Variants in VWC2 observed in about 807,000 individuals in gnomAD.
VWC2 encodes the protein von Willebrand factor C domain containing 2, also known as brorin.
VWC2 carries 14 observed loss-of-function variants against 29.8 expected under a neutral mutation model. The ratio of observed to expected loss-of-function variants is 0.47; its 90% confidence interval spans 0.31 to 0.74. VWC2 has a LOEUF of 0.74. Among genes scored for constraint, VWC2 ranks in the 30% least tolerant of loss-of-function variants. The probability of loss-of-function intolerance (pLI) is 0.05; values close to 1 mark genes in which losing one functional copy is unlikely to be tolerated. For missense variants in VWC2, 457 were observed against 459.8 expected, an observed-to-expected ratio of 0.99 and a Z score of 0.05; for synonymous variants, 213 against 199.0, an observed-to-expected ratio of 1.07 and a Z score of -0.59.
intron 3 of VWC2, among the ~76,000 whole-genome samples, chr7:49,892,556 C>T (rs1583769654): frequency 6.6e-6 from 1 of 152,184 alleles, no homozygotes; most frequent in Non-Finnish European, 1.5e-5. Context: ...CATGAGGGGG[C>T]TTCCCAGGCC....
At position 49,775,676 on chromosome 7, in the gene VWC2, G is replaced by C; in HGVS notation, c.241G>C (p.Gly81Arg). 6.6e-7 allele frequency: 1 copy of C among 1,524,512 alleles called. No homozygotes were observed. Among genetic ancestry groups the C allele is most frequent in the Non-Finnish European group, 8.8e-7 (1 of 1,139,226 alleles). The allele number at this position is 1,524,512 out of a possible 1,614,324, so 94.4% of individuals were successfully genotyped here. Residue 81 changes from glycine to arginine, a missense_variant, in exon 2 of 4, where the codon GGC becomes CGC. Physicochemically the swap from Gly to Arg is moderately radical, Grantham distance 125. Around this residue, in one of 2 missense-constraint regions of VWC2, gnomAD observed 272 missense variants for 202.7 expected, o/e 1.34. Coordinates refer to ENST00000340652, the MANE Select transcript of VWC2 (RefSeq NM_198570.5). ...CGGCCGGGACTGGAAGAGCAAGAGC[G>C]GCCGTGGGCTCGCCGGCCGTGAGCC... ...GSGRDWKSKS[G>R]RGLAGREPWS... is the part of the protein sequence containing the mutation.
At chr7:49,884,588 C>T (rs547927227) in intron 3 of VWC2, among the ~76,000 whole-genome samples, 2 of 152,198 alleles carry the variant, frequency 1.3e-5, no homozygotes, top group South Asian at 4.1e-4. Flanking sequence ...AGTTTTAAGA[C>T]AGTGGGTCAA....
chr7:49,879,103 G>C (rs987548221), intron 3 of VWC2, among the ~76,000 whole-genome samples: 1 of 152,164 alleles, frequency 6.6e-6, no homozygotes, highest in Non-Finnish European at 1.5e-5. Flanking sequence ...AAAGGTCTCT[G>C]CTTTTTCTTA....
intron 3 of VWC2, among the ~76,000 whole-genome samples, chr7:49,885,896 A>C (rs1791883416): frequency 6.6e-6 from 1 of 152,216 alleles, no homozygotes; most frequent in Non-Finnish European, 1.5e-5. Context: ...ATGGCAGAGG[A>C]GGAGAGGAAT....
intron 3 of VWC2, among the ~76,000 whole-genome samples, chr7:49,826,230 G>A (rs149926576): frequency 0.023 from 3,576 of 152,180 alleles, 345 homozygotes; most frequent in Admixed American, 0.17. Flanking sequence ...GTTTTTCAGT[G>A]ACGCCATCAC....
intron 3 of VWC2, among the ~76,000 whole-genome samples, chr7:49,824,821 A>G (rs1433344722): frequency 6.6e-6 from 1 of 152,098 alleles, no homozygotes; most frequent in African/African-American, 2.4e-5. Context: ...TTCAATTTCC[A>G]GTTGTTTGTT....
At chr7:49,786,148 T>G (rs1326994495) in intron 2 of VWC2, among the ~76,000 whole-genome samples, 1 of 152,184 alleles carries the variant, frequency 6.6e-6, no homozygotes, top group Non-Finnish European at 1.5e-5. Context: ...CTCGCCCCTC[T>G]CATAGTCTCC....
chr7:49,884,757 A>G (rs141118358), intron 3 of VWC2, among the ~76,000 whole-genome samples: 188 of 152,244 alleles, frequency 1.2e-3, no homozygotes, highest in African/African-American at 4.2e-3. Flanking sequence ...AAATATTTTC[A>G]CTCATAAACG....
intron 3 of VWC2, among the ~76,000 whole-genome samples, chr7:49,867,559 G>A (rs1313581167): frequency 6.6e-6 from 1 of 152,188 alleles, no homozygotes; most frequent in Non-Finnish European, 1.5e-5. Flanking sequence ...GACTGAACAG[G>A]TAACTAAAGG....
At chr7:49,829,612 C>T (rs1789481208) in intron 3 of VWC2, among the ~76,000 whole-genome samples, 1 of 152,220 alleles carries the variant, frequency 6.6e-6, no homozygotes, top group East Asian at 1.9e-4. Flanking sequence ...ACGCATCACG[C>T]CAGCCTACAC....
At chr7:49,853,309 C>T (rs549175695) in intron 3 of VWC2, among the ~76,000 whole-genome samples, 19 of 152,362 alleles carry the variant, frequency 1.2e-4, no homozygotes, top group African/African-American at 4.1e-4. Context: ...GCCCCCAGCA[C>T]TTGCCCATGG....
intron 3 of VWC2, among the ~76,000 whole-genome samples, chr7:49,838,552 G>A (rs1462603453): frequency 5.3e-5 from 8 of 151,930 alleles, no homozygotes; most frequent in Admixed American, 4.6e-4. Context: ...CCCAGGGCTA[G>A]CACAGGAGGG....
intron 3 of VWC2, among the ~76,000 whole-genome samples, chr7:49,837,801 C>T (rs150197490): frequency 1.7e-4 from 26 of 152,230 alleles, no homozygotes; most frequent in Non-Finnish European, 2.5e-4. Context: ...TCGCACAATC[C>T]ATGATGCTGA....
At chr7:49,826,798 T>C (rs1261484714) in intron 3 of VWC2, among the ~76,000 whole-genome samples, 2 of 152,180 alleles carry the variant, frequency 1.3e-5, no homozygotes, top group African/African-American at 4.8e-5. Context: ...GAAAATATTA[T>C]CACAAAAGAT....
chr7:49,784,028 A>T (rs752179372), intron 2 of VWC2, among the ~76,000 whole-genome samples: 19 of 152,224 alleles, frequency 1.2e-4, no homozygotes, highest in Non-Finnish European at 1.9e-4. Flanking sequence ...CTTTCCTGGG[A>T]ATATGGAGGA....
intron 2 of VWC2, among the ~76,000 whole-genome samples, chr7:49,786,034 C>A (rs1023031660): frequency 1.3e-5 from 2 of 152,190 alleles, no homozygotes; most frequent in East Asian, 3.9e-4. Flanking sequence ...TATTTGTTAC[C>A]TGGGTATATA....
intron 2 of VWC2, among the ~76,000 whole-genome samples, chr7:49,799,798 G>A (rs1383387596): frequency 6.6e-6 from 1 of 152,104 alleles, no homozygotes; most frequent in African/African-American, 2.4e-5. Context: ...TAGGTTATAT[G>A]GTATATCCTA....
At chr7:49,799,051 G>A (rs1449799321) in intron 2 of VWC2, among the ~76,000 whole-genome samples, 1 of 152,222 alleles carries the variant, frequency 6.6e-6, no homozygotes, top group African/African-American at 2.4e-5. Flanking sequence ...GCATGGCGGA[G>A]TGGGCTCAGG....
At chr7:49,874,869 C>T (rs964426814) in intron 3 of VWC2, among the ~76,000 whole-genome samples, 4 of 151,992 alleles carry the variant, frequency 2.6e-5, no homozygotes, top group African/African-American at 9.7e-5. Flanking sequence ...AGAGTATGGC[C>T]AGAACCTGCC....
Sources: allele counts gnomAD v4.1 joint callset (sites outside exome capture counted in the v4.1 genomes callset), GRCh38; gene constraint gnomAD v4.1.1; regional missense constraint gnomAD v4.1.1; transcripts MANE v1.5; gene names NCBI Gene and HGNC (gene_info 2026-07-23, HGNC 2026-07-21).